SYNE2: variants seen among roughly 807,000 people sequenced by gnomAD.
SYNE2 encodes spectrin repeat containing nuclear envelope protein 2.
Under a neutral mutation model 856.3 loss-of-function variants are expected in SYNE2, and 431 were observed. The ratio of observed to expected loss-of-function variants is 0.50; its 90% CI spans 0.47 to 0.55. The LOEUF (loss-of-function observed/expected upper bound fraction) is 0.55, where lower values mean the gene tolerates loss of function less well. SYNE2 is among the 20% of genes least tolerant of loss of function. The pLI, the probability that SYNE2 is intolerant of heterozygous loss-of-function variation, is 0.00. For synonymous variants in SYNE2, 2,923 were observed against 2,872.3 expected (o/e 1.02, Z -0.56); for missense variants, 8,129 against 8,023.2 (o/e 1.01, Z -0.50).
intron 35 of SYNE2, among the ~76,000 whole-genome samples, chr14:64,020,921 A>T (rs1266629748): frequency 2.0e-5 from 3 of 152,202 alleles, no homozygotes; most frequent in Non-Finnish European, 4.4e-5. Flanking sequence ...TTTGTACACA[A>T]AGTGCTTACC....
At chr14:64,221,400 T>C in intron 111 of SYNE2, 176 bp from the exon 112 acceptor site, 1 of 1,167,450 alleles carries the variant, frequency 8.6e-7, no homozygotes, top group Non-Finnish European at 1.2e-6. Context: ...TCTTCCTTCT[T>C]TCCTCTTCCT....
At chr14:64,077,418 A>G (rs1016546367) in intron 54 of SYNE2, among the ~76,000 whole-genome samples, 55 of 151,886 alleles carry the variant, frequency 3.6e-4, no homozygotes, top group Admixed American at 3.4e-3. Context: ...TGACTGCAGT[A>G]TGGTCTGGGG....
Position 64,056,142 on chromosome 14 carries a change from G to A in SYNE2, c.9943G>A (p.Glu3315Lys), listed in dbSNP as rs372982837. The change falls in exon 49 of 116, where the codon GAG (glutamate) becomes AAG (lysine). Residue 3315 changes from glutamate to lysine, a missense_variant. Glu to Lys is a moderately conservative substitution (Grantham distance 56). Coordinates refer to ENST00000555002, the MANE Select transcript of SYNE2 (RefSeq NM_182914.3). ...AGTAGCACACATCCAGGACCTCACT[G>A]AGAAACTGGGAATGATATCCAGCCC... is the stretch of plus-strand genomic sequence containing the variant. ...STVAHIQDLT[E>K]KLGMISSPEA... 34 of 1,614,018 alleles carry A rather than the reference G, an allele frequency of 2.1e-5. No individual in the cohort carries two copies. The highest frequency in any genetic ancestry group is 2.9e-5 in the Non-Finnish European group (34 of 1,180,028).
At chr14:64,190,035 A>C (rs1458512223) in intron 98 of SYNE2, 36 bp from the exon 99 acceptor site, 2 of 1,612,106 alleles carry the variant, frequency 1.2e-6, no homozygotes, top group East Asian at 2.2e-5. Flanking sequence ...AGTTTGGGCT[A>C]ATTAGCCAGG....
chr14:64,216,088 C>T, intron 107 of SYNE2, 160 bp from the exon 108 acceptor site: 1 of 1,521,730 alleles, frequency 6.6e-7, no homozygotes. Context: ...AGTTGCATGA[C>T]TCATCTCATT....
At chr14:64,020,482 C>T (rs1203309309) in intron 35 of SYNE2, among the ~76,000 whole-genome samples, 4 of 152,110 alleles carry the variant, frequency 2.6e-5, no homozygotes, top group Non-Finnish European at 5.9e-5. Flanking sequence ...ATGTTAAGTC[C>T]CACCAAATTT....
intron 108 of SYNE2, 162 bp downstream of exon 108, chr14:64,216,549 C>A: frequency 2.4e-6 from 2 of 822,046 alleles, no homozygotes. Context: ...GTCCATACTT[C>A]ATTAGAACCC....
chr14:64,134,657 A>G (rs551728724), intron 78 of SYNE2, among the ~76,000 whole-genome samples: 2 of 152,276 alleles, frequency 1.3e-5, no homozygotes, highest in Admixed American at 6.5e-5. Flanking sequence ...AAGACAGACA[A>G]TAATCTTACC....
intron 74 of SYNE2, among the ~76,000 whole-genome samples, 180 bp downstream of exon 74, chr14:64,128,733 G>A (rs2097976648): frequency 6.6e-6 from 1 of 152,172 alleles, no homozygotes; most frequent in Admixed American, 6.5e-5. Context: ...GAAGCACAAT[G>A]TATTAAAACA....
At chr14:63,849,146 A>T (rs1456596471), upstream of SYNE2, among the ~76,000 whole-genome samples, 1 of 152,026 alleles carries the variant, frequency 6.6e-6, no homozygotes, top group Non-Finnish European at 1.5e-5. Flanking sequence ...TTGGCTAGCT[A>T]TTTTCATCCA....
chr14:63,979,829 A>T (rs1207099957), intron 14 of SYNE2, among the ~76,000 whole-genome samples: 2 of 152,160 alleles, frequency 1.3e-5, no homozygotes, highest in Non-Finnish European at 2.9e-5. Context: ...GAACCCTGGG[A>T]GGTGGAGGTT....
At chr14:64,068,097 C>G (rs1262241) in intron 51 of SYNE2, among the ~76,000 whole-genome samples, 1 of 152,164 alleles carries the variant, frequency 6.6e-6, no homozygotes, top group Non-Finnish European at 1.5e-5. Context: ...TGCAAAGCCT[C>G]TTCTAGGTGG....
rs1276241575 is a variant in SYNE2, at chr14:64,076,795, C to T, written c.11022+695C>T. ...TTACAACTTGATAAATAAAATAGAT[C>T]TTAAACACAAAAAATTCAGATTTCA... On this transcript the variant is annotated intron_variant, in intron 54 of 115. Coordinates refer to ENST00000555002, the MANE Select transcript of SYNE2 (RefSeq NM_182914.3). Among the ~76,000 whole-genome samples the T allele has an allele frequency of 3.8e-5, 5 of 131,762 alleles. No individual in the cohort carries two copies. In the East Asian group the frequency reaches 9.0e-4, roughly 24 times the overall value. The allele number at this position is 131,762 out of a possible 152,430, so 86.4% of individuals were successfully genotyped here.
At chr14:63,835,980 T>C (rs1889845745) in intron 1 of SYNE2, among the ~76,000 whole-genome samples, 2 of 87,136 alleles carry the variant, frequency 2.3e-5, no homozygotes, top group East Asian at 2.6e-4. Context: ...CAAAACTCTG[T>C]CTCAAAAAAA....
At chr14:64,116,031 C>T (rs941123475) in intron 66 of SYNE2, among the ~76,000 whole-genome samples, 1 of 151,984 alleles carries the variant, frequency 6.6e-6, no homozygotes, top group Non-Finnish European at 1.5e-5. Flanking sequence ...ACTAGCTGGG[C>T]ATGGTGGTGT....
intron 45 of SYNE2, among the ~76,000 whole-genome samples, chr14:64,032,612 G>A (rs985332529): frequency 2.8e-5 from 4 of 142,190 alleles, no homozygotes; most frequent in Non-Finnish European, 6.1e-5. Context: ...CACTCTTGTT[G>A]CCCTGGCTGG....
chr14:64,160,833 GAAA>G (rs900435437), intron 87 of SYNE2, among the ~76,000 whole-genome samples: 72 of 151,722 alleles, frequency 4.7e-4, no homozygotes, highest in Middle Eastern at 3.4e-3. Context: ...TTGAAATACA[GAAA>G]AAAAGCCTTT....
chr14:64,162,155 C>G lies in SYNE2; in HGVS notation c.16178C>G (p.Ala5393Gly), dbSNP rs147173048. 3 of 1,614,090 alleles carry G rather than the reference C, an allele frequency of 1.9e-6. No homozygotes were observed. Among genetic ancestry groups the G allele is most frequent in the Admixed American group, 3.3e-5 (2 of 60,010 alleles). Residue 5393 changes from alanine (A) to glycine (G), a missense_variant, in exon 88 of 116, where the codon GCT becomes GGT. Physicochemically the swap from Ala to Gly is moderately conservative, Grantham distance 60. This residue lies in a region of SYNE2 where 5,410 missense variants were observed against 5,284.8 expected (regional missense o/e 1.02). Transcript: ENST00000555002. Reference protein sequence around the residue: ...LLQLWKAYSNAHGEAAARLKQ... With the variant: ...LLQLWKAYSNGHGEAAARLKQ... The stretch of plus-strand genomic sequence containing the variant: ...CAGCTCTGGAAGGCCTATAGCAATG[C>G]TCATGGTGAAGCTGCCGCAAGGCTG...
intron 43 of SYNE2, 23 bp from the exon 44 acceptor site, chr14:64,029,872 A>G (rs1234676563): frequency 6.2e-7 from 1 of 1,608,924 alleles, no homozygotes; most frequent in East Asian, 2.2e-5. Flanking sequence ...TAATTTGTAA[A>G]TTGTCTGTGG....
Sources: allele counts gnomAD v4.1 joint callset (sites outside exome capture counted in the v4.1 genomes callset), GRCh38; gene constraint gnomAD v4.1.1; regional missense constraint gnomAD v4.1.1; transcripts MANE v1.5; gene names NCBI Gene and HGNC (gene_info 2026-07-23, HGNC 2026-07-21).